The following EDA variants were observed in gnomAD, a reference collection of about 807,000 sequenced individuals.
EDA encodes the protein ectodysplasin A, also known as ectodysplasin-A.
Under a neutral mutation model 23.6 loss-of-function variants are expected in EDA, and 2 were observed. That is an observed-to-expected ratio of 0.08 (90% confidence interval 0.03 to 0.27). The LOEUF is 0.27. EDA is among the 10% of genes least tolerant of loss of function. The pLI is 1.00. For missense variants in EDA, 229 were observed against 324.2 expected (o/e 0.71, Z 2.26); for synonymous variants, 131 against 132.0 (o/e 0.99, Z 0.05).
At chrX:69,998,412 T>G (rs770121722) in intron 2 of EDA, among the ~76,000 whole-genome samples, 1 of 112,476 alleles carries the variant, frequency 8.9e-6, no homozygotes, top group African/African-American at 3.2e-5. Flanking sequence ...TACTGTACAC[T>G]TATTGTATCT....
chrX:69,771,115 A>G (rs2490724), intron 1 of EDA, among the ~76,000 whole-genome samples: 34,634 of 109,693 alleles, frequency 0.32, 4,878 homozygotes, highest in Middle Eastern at 0.56. Flanking sequence ...GGAGTGCAGC[A>G]GCACGATCTC....
intron 1 of EDA, chrX:69,937,580 G>C (rs1306812734): frequency 8.9e-7 from 1 of 1,129,870 alleles, no homozygotes; most frequent in African/African-American, 1.8e-5. Context: ...CTTCACAGAG[G>C]ACCACTCCTG....
intron 1 of EDA, among the ~76,000 whole-genome samples, chrX:69,751,953 T>C (rs1265997851): frequency 5.4e-5 from 6 of 110,637 alleles, no homozygotes; most frequent in African/African-American, 1.7e-4. Context: ...CTGAAGTTGC[T>C]TATCAGCTTA....
intron 1 of EDA, among the ~76,000 whole-genome samples, chrX:69,678,681 A>G (rs1458595655): frequency 9.5e-6 from 1 of 105,651 alleles, no homozygotes; most frequent in African/African-American, 3.5e-5. Context: ...TTGTATCCTG[A>G]GACTTTGCTG....
At chrX:70,023,443 T>A (rs2020064634) in intron 3 of EDA, among the ~76,000 whole-genome samples, 1 of 108,193 alleles carries the variant, frequency 9.2e-6, no homozygotes, top group Non-Finnish European at 1.9e-5. Flanking sequence ...CCTCTTTCAT[T>A]CTTCCTTGTT....
At chrX:69,940,363 A>G (rs1203103591) in intron 1 of EDA, among the ~76,000 whole-genome samples, 1 of 110,562 alleles carries the variant, frequency 9.0e-6, no homozygotes, top group African/African-American at 3.3e-5. Flanking sequence ...AGATTTTTCA[A>G]TTTATTGGCA....
intron 1 of EDA, among the ~76,000 whole-genome samples, chrX:69,745,040 G>T (rs1027807729): frequency 7.2e-5 from 8 of 111,558 alleles, no homozygotes; most frequent in African/African-American, 2.6e-4. Context: ...TAGAGAGAAG[G>T]TATATTTCTC....
chrX:69,823,688 G>A (rs1318599856), intron 1 of EDA, among the ~76,000 whole-genome samples: 1 of 97,198 alleles, frequency 1.0e-5, no homozygotes, highest in East Asian at 3.6e-4. Flanking sequence ...CTGTACAGAA[G>A]CTCTTTAGTT....
chrX:69,860,930 G>A (rs1040417327), intron 1 of EDA: 5 of 522,690 alleles, frequency 9.6e-6, no homozygotes, highest in South Asian at 2.5e-5. Context: ...AAAAGCACAC[G>A]AGTCGTCTCA....
chrX:69,920,128 T>A (rs1014687431), intron 1 of EDA, among the ~76,000 whole-genome samples: 5 of 111,209 alleles, frequency 4.5e-5, no homozygotes, highest in Admixed American at 3.8e-4. Flanking sequence ...ATTGACAAGT[T>A]CTTCTGGTTT....
chrX:69,852,824 G>A (rs1177589097), intron 1 of EDA, among the ~76,000 whole-genome samples: 2 of 111,746 alleles, frequency 1.8e-5, no homozygotes, highest in African/African-American at 6.5e-5. Context: ...TCAAAAAAAG[G>A]TTGAGACTAG....
rs186793643 is a variant in EDA, at chrX:69,682,687, C to T, written c.396+65983C>T. ...GCCTCGCCCTGCTTCGGCTCGCACA[C>T]GGTTCACGCACCCACTGACCTATGC... On this transcript the variant is annotated intron_variant, in intron 1 of 7. Transcript: ENST00000374552. Among the ~76,000 whole-genome samples the T allele has an allele frequency of 9.8e-3, 1,091 of 111,502 alleles. 15 individuals carry two copies. The highest frequency in any genetic ancestry group is 0.033 in the African/African-American group (1,016 of 30,660).
At chrX:69,751,485 T>C (rs1245639971) in intron 1 of EDA, among the ~76,000 whole-genome samples, 1 of 112,278 alleles carries the variant, frequency 8.9e-6, no homozygotes, top group African/African-American at 3.2e-5. Flanking sequence ...TTCTTTTTGC[T>C]TAGGATTGTC....
intron 1 of EDA, among the ~76,000 whole-genome samples, chrX:69,692,468 G>A (rs753268060): frequency 1.5e-4 from 17 of 111,580 alleles, no homozygotes; most frequent in Non-Finnish European, 2.6e-4. Context: ...GAAAACTCAT[G>A]AATGAATGAG....
At chrX:69,662,942 A>G (rs1447936469) in intron 1 of EDA, among the ~76,000 whole-genome samples, 1 of 112,281 alleles carries the variant, frequency 8.9e-6, no homozygotes, top group Non-Finnish European at 1.9e-5. Flanking sequence ...AGAAATTTCT[A>G]AGCAGTAAAG....
intron 1 of EDA, among the ~76,000 whole-genome samples, chrX:69,868,042 A>G (rs1409435917): frequency 9.0e-6 from 1 of 111,499 alleles, no homozygotes; most frequent in African/African-American, 3.3e-5. Flanking sequence ...TCTCAAAAGG[A>G]GAGTAGTTAT....
chrX:69,876,405 A>T (rs1440389290), intron 1 of EDA, among the ~76,000 whole-genome samples: 1 of 110,766 alleles, frequency 9.0e-6, no homozygotes, highest in East Asian at 2.8e-4. Flanking sequence ...ATATAAGAAT[A>T]AAATAAAAGA....
At chrX:70,034,614 A>G (rs1195233573) in intron 7 of EDA, among the ~76,000 whole-genome samples, 1 of 111,569 alleles carries the variant, frequency 9.0e-6, no homozygotes, top group Non-Finnish European at 1.9e-5. Flanking sequence ...AGCCTAGGAG[A>G]GAATTGAGAG....
At chrX:69,986,962 A>G (rs1180057513) in intron 2 of EDA, among the ~76,000 whole-genome samples, 1 of 72,042 alleles carries the variant, frequency 1.4e-5, no homozygotes, top group Non-Finnish European at 2.5e-5. Flanking sequence ...TGATGAGTTC[A>G]TGTCCTTTGT....
Sources: gnomAD v4.1 joint callset for allele counts (sites outside exome capture counted in the v4.1 genomes callset) on GRCh38, gnomAD v4.1.1 for gene constraint, MANE v1.5 for transcripts, NCBI Gene and HGNC (gene_info 2026-07-23, HGNC 2026-07-21) for gene names.